The following PHLPP2 variants were observed in gnomAD, a reference collection of about 807,000 sequenced individuals.
PHLPP2 encodes the protein PH domain and leucine rich repeat protein phosphatase 2.
Under a neutral mutation model 124.9 loss-of-function variants are expected in PHLPP2, and 66 were observed. The ratio of observed to expected loss-of-function variants is 0.53; its 90% CI spans 0.43 to 0.65. PHLPP2 has a LOEUF of 0.65. PHLPP2 is among the 30% of genes least tolerant of loss of function. PHLPP2 has a pLI of 0.00. For missense variants in PHLPP2, 1,685 were observed against 1,600.4 expected (o/e 1.05, Z -0.90); for synonymous variants, 681 against 624.7 (o/e 1.09, Z -1.34).
At chr16:71,714,359 A>G (rs892197069) in intron 2 of PHLPP2, among the ~76,000 whole-genome samples, 153 bp downstream of exon 2, 7 of 152,234 alleles carry the variant, frequency 4.6e-5, no homozygotes, top group East Asian at 3.8e-4. Context: ...CAAGATTCAT[A>G]AAGTCAGCCT....
At chr16:71,720,037 C>T (rs1467238288) in intron 1 of PHLPP2, among the ~76,000 whole-genome samples, 2 of 137,492 alleles carry the variant, frequency 1.5e-5, no homozygotes, top group East Asian at 2.2e-4. Flanking sequence ...GGCACAATCT[C>T]GGCTCACTGC....
chr16:71,698,849 G>C (rs573508916), intron 3 of PHLPP2: 2 of 230,432 alleles, frequency 8.7e-6, no homozygotes, highest in East Asian at 1.2e-4. Flanking sequence ...TCCCTCTCCA[G>C]CAAGACTGAT....
intron 17 of PHLPP2, among the ~76,000 whole-genome samples, chr16:71,654,169 TG>T (rs530498079): frequency 1.4e-3 from 162 of 116,560 alleles, no homozygotes; most frequent in African/African-American, 5.0e-3. Context: ...CACTCCAGCC[TG>T]GGGGACAGAG....
rs2044759290 is a variant in PHLPP2 at position 71,658,346 on chromosome 16, G to A, written c.2166C>T (p.Cys722=). The A allele has an allele frequency of 1.2e-6, 2 of 1,613,630 alleles. No homozygotes were observed. Among genetic ancestry groups the A allele is most frequent in the Non-Finnish European group, 1.7e-6 (2 of 1,179,738 alleles). ...LPQIQFVDLS[C]NDLTEILIPE... ...GAATCAGGATTTCTGTCAAGTCGTT[G>A]CAACTTAGGTCTACAAACTAAGAAA... Residue 722 remains cysteine (C), a synonymous_variant, in exon 15 of 19, where the codon TGC becomes TGT. Coordinates refer to ENST00000568954, the MANE Select transcript of PHLPP2 (RefSeq NM_015020.3).
intron 11 of PHLPP2, among the ~76,000 whole-genome samples, chr16:71,668,190 T>C (rs923410515): frequency 1.3e-5 from 2 of 151,346 alleles, no homozygotes; most frequent in Non-Finnish European, 2.9e-5. Context: ...GGCGGGCAGA[T>C]CACAAAGTCA....
intron 2 of PHLPP2, among the ~76,000 whole-genome samples, chr16:71,703,175 T>C (rs1046410851): frequency 2.0e-5 from 3 of 152,208 alleles, no homozygotes; most frequent in African/African-American, 7.2e-5. Flanking sequence ...TTGATTTTTA[T>C]TCCTAGGTCA....
intron 3 of PHLPP2, among the ~76,000 whole-genome samples, chr16:71,697,940 C>A (rs937371373): frequency 6.6e-6 from 1 of 151,558 alleles, no homozygotes. Flanking sequence ...CTCTGCCTCC[C>A]GGGTTCACAC....
chr16:71,715,640 C>G (rs1372974319), intron 1 of PHLPP2: 2 of 151,982 alleles, frequency 1.3e-5, no homozygotes, highest in East Asian at 1.9e-4. Flanking sequence ...GACAGCGCCA[C>G]TGCACTCCGG....
chr16:71,679,348 A>C, intron 7 of PHLPP2, 41 bp downstream of exon 7: 1 of 1,583,540 alleles, frequency 6.3e-7, no homozygotes, highest in Non-Finnish European at 8.7e-7. Context: ...CAAGTTCCTT[A>C]TTCTGCAAGG....
intron 13 of PHLPP2, among the ~76,000 whole-genome samples, chr16:71,662,446 A>G (rs1217346184): frequency 1.3e-5 from 2 of 151,818 alleles, no homozygotes; most frequent in African/African-American, 4.8e-5. Flanking sequence ...ATAAATAAAT[A>G]AATAAGTTGG....
In PHLPP2 at chr16:71,724,436, T is replaced by C. The variant is rs1055419507; in HGVS notation, c.-114A>G. The C allele has an allele frequency of 5.2e-5, 8 of 152,418 alleles. No homozygotes were observed. Among genetic ancestry groups the C allele is most frequent in the African/African-American group, 1.7e-4 (7 of 41,584 alleles). 9.4% of individuals were successfully genotyped at this position (152,418 alleles called of 1,614,324 possible). A position where few individuals can be genotyped will look rare whatever the true frequency, so the allele number is the denominator to read the frequency against. On this transcript the variant is annotated 5_prime_UTR_variant, in exon 1 of 19. Transcript: ENST00000568954. ...CGCTCACCTCCCAGCCATGTTTTAA[T>C]TCCCTTGCCTCCTCCTGGAGCAAAA...
intron 5 of PHLPP2, among the ~76,000 whole-genome samples, chr16:71,684,033 C>A (rs991023544): frequency 6.6e-6 from 1 of 151,982 alleles, no homozygotes; most frequent in Non-Finnish European, 1.5e-5. Flanking sequence ...CTCAGGTGAT[C>A]CACCTGCCCC....
chr16:71,700,206 C>T (rs978925187), intron 3 of PHLPP2, among the ~76,000 whole-genome samples: 3 of 151,998 alleles, frequency 2.0e-5, no homozygotes, highest in Admixed American at 6.6e-5. Flanking sequence ...AGACCAGCCT[C>T]GAGCCATGAG....
At chr16:71,688,261 T>A (rs766147510) in intron 4 of PHLPP2, among the ~76,000 whole-genome samples, 6 of 152,244 alleles carry the variant, frequency 3.9e-5, no homozygotes, top group Non-Finnish European at 8.8e-5. Flanking sequence ...ATTTAGTTTT[T>A]GATCCTGGGC....
intron 3 of PHLPP2, among the ~76,000 whole-genome samples, chr16:71,700,519 CTTTTTTT>C (rs1234453846): frequency 2.8e-4 from 23 of 83,340 alleles, no homozygotes; most frequent in African/African-American, 1.1e-3. Flanking sequence ...TGACTCATTT[CTTTTTTT>C]TTTTTTTTTT....
At chr16:71,681,568 A>G (rs1202673107) in intron 6 of PHLPP2, among the ~76,000 whole-genome samples, 183 bp downstream of exon 6, 1 of 152,206 alleles carries the variant, frequency 6.6e-6, no homozygotes, top group Non-Finnish European at 1.5e-5. Flanking sequence ...CATTTACATC[A>G]ATCTTCTGTT....
chr16:71,668,415 C>CAAAAAAAAA (rs34860764), intron 11 of PHLPP2, among the ~76,000 whole-genome samples: 1 of 26,930 alleles, frequency 3.7e-5, no homozygotes, highest in Non-Finnish European at 6.3e-5. Flanking sequence ...GACTCTGTCT[C>CAAAAAAAAA]AAAAAAAAAA....
chr16:71,687,810 A>G (rs533504133), intron 4 of PHLPP2, among the ~76,000 whole-genome samples: 12 of 152,120 alleles, frequency 7.9e-5, no homozygotes, highest in African/African-American at 2.7e-4. Context: ...ATTTTTTCAG[A>G]TATTATTTCT....
intron 5 of PHLPP2, among the ~76,000 whole-genome samples, chr16:71,682,528 T>C (rs1330324595): frequency 2.0e-5 from 3 of 152,158 alleles, no homozygotes; most frequent in Admixed American, 1.3e-4. Context: ...GAAAAAACTT[T>C]AAGAGGCAGT....
Sources: allele counts gnomAD v4.1 joint callset (sites outside exome capture counted in the v4.1 genomes callset), GRCh38; gene constraint gnomAD v4.1.1; transcripts MANE v1.5; gene names NCBI Gene and HGNC (gene_info 2026-07-23, HGNC 2026-07-21).